Variants in HLCS observed in about 807,000 individuals in gnomAD.
HLCS encodes the protein holocarboxylase synthetase, also known as biotin--protein ligase.
In HLCS, 53 loss-of-function variants were observed where a neutral mutation model predicts 75.0. That is an observed-to-expected ratio of 0.71 (90% confidence interval 0.57 to 0.89). The LOEUF is 0.89. Ranked by LOEUF, HLCS falls within the 40% of genes least tolerant of loss-of-function variation. The probability of loss-of-function intolerance (pLI) is 0.00; values close to 1 mark genes in which losing one functional copy is unlikely to be tolerated. For synonymous variants in HLCS, 431 were observed against 428.6 expected (o/e 1.01, Z -0.07); for missense variants, 966 against 1,074.0 (o/e 0.90, Z 1.41).
At chr21:36,979,285 A>AAG in intron 1 of HLCS, among the ~76,000 whole-genome samples, 1 of 125,154 alleles carries the variant, frequency 8.0e-6, no homozygotes. Context: ...AAAAAAAAAA[A>AAG]AAAGAAAGAA....
Position 36,750,471 on chromosome 21 carries a change from G to A in HLCS, c.*3775C>T, listed in dbSNP as rs1006676970. 7.2e-5 allele frequency among the ~76,000 whole-genome samples: 11 copies of A among 152,106 alleles called. No individual in the cohort carries two copies. Among genetic ancestry groups the A allele is most frequent in the African/African-American group, 2.7e-4 (11 of 41,424 alleles). On this transcript the variant is annotated 3_prime_UTR_variant, in exon 11 of 11. Transcript: ENST00000674895. ...GTATCTGCAAGAGCCTGTATTTTCCGCCTCCCTTGCCCCCACTCCTTTTAT... is the reference window on the plus strand; with the variant it reads ...GTATCTGCAAGAGCCTGTATTTTCCACCTCCCTTGCCCCCACTCCTTTTAT...
At chr21:36,803,261 C>T (rs1188514698) in intron 6 of HLCS, among the ~76,000 whole-genome samples, 1 of 152,210 alleles carries the variant, frequency 6.6e-6, no homozygotes, top group Non-Finnish European at 1.5e-5. Context: ...TCAGCTGAGT[C>T]CACTCCTGCA....
chr21:36,868,284 A>G (rs561961759), intron 6 of HLCS, among the ~76,000 whole-genome samples: 5 of 151,938 alleles, frequency 3.3e-5, no homozygotes, highest in African/African-American at 4.8e-5. Context: ...GGAAAGAAAG[A>G]AAGAAAGAAA....
chr21:36,989,040 T>G (rs1045561874), intron 1 of HLCS, among the ~76,000 whole-genome samples: 2 of 134,024 alleles, frequency 1.5e-5, no homozygotes, highest in African/African-American at 5.8e-5. Flanking sequence ...ATTTATTTAT[T>G]TATTTATTTT....
chr21:36,874,404 A>AAAAAT (rs201422824), intron 6 of HLCS, among the ~76,000 whole-genome samples: 267 of 121,906 alleles, frequency 2.2e-3, no homozygotes, highest in South Asian at 3.4e-3. Context: ...TCCGTCTCAA[A>AAAAAT]AAAATAAAAT....
chr21:36,947,686 G>A, intron 2 of HLCS: 2 of 985,416 alleles, frequency 2.0e-6, no homozygotes, highest in Non-Finnish European at 2.4e-6. Context: ...ATGTATGGCA[G>A]CAGGCAAGGC....
At chr21:36,937,432 A>G (rs781500504) in intron 3 of HLCS, 40 bp from the exon 4 acceptor site, 1 of 1,509,868 alleles carries the variant, frequency 6.6e-7, no homozygotes, top group Non-Finnish European at 9.2e-7. Context: ...AAATTAATCA[A>G]CACTTCTTGT....
chr21:36,878,752 C>T (rs2064084207), intron 6 of HLCS, among the ~76,000 whole-genome samples: 1 of 152,134 alleles, frequency 6.6e-6, no homozygotes, highest in Non-Finnish European at 1.5e-5. Context: ...GCCTGATTTT[C>T]TTTTGTAATA....
intron 10 of HLCS, 83 bp downstream of exon 10, chr21:36,756,450 CAAAAAAAAA>C (rs56071863): frequency 2.3e-4 from 83 of 362,940 alleles, no homozygotes; most frequent in Middle Eastern, 7.1e-4. Flanking sequence ...GACTCCGTCT[CAAAAAAAAA>C]AAAAAAAAAA....
At chr21:36,936,410 G>T in intron 4 of HLCS, 39 bp downstream of exon 4, 1 of 1,542,856 alleles carries the variant, frequency 6.5e-7, no homozygotes. Context: ...AATACCCACA[G>T]ATACCCAAAG....
At chr21:36,971,233 T>C (rs573067592), upstream of HLCS, among the ~76,000 whole-genome samples, 2 of 152,214 alleles carry the variant, frequency 1.3e-5, no homozygotes, top group African/African-American at 4.8e-5. Context: ...AAAATAATTA[T>C]CTTTCCTAGC....
intron 6 of HLCS, among the ~76,000 whole-genome samples, chr21:36,853,842 C>A (rs965467276): frequency 1.3e-5 from 2 of 151,950 alleles, no homozygotes; most frequent in African/African-American, 2.4e-5. Flanking sequence ...GTAAACATTT[C>A]AAAAAAACTG....
chr21:36,946,635 A>G (rs1168146090), intron 2 of HLCS, among the ~76,000 whole-genome samples: 1 of 152,210 alleles, frequency 6.6e-6, no homozygotes, highest in African/African-American at 2.4e-5. Flanking sequence ...ATCATGAAAA[A>G]AAAAAACTTG....
intron 6 of HLCS, among the ~76,000 whole-genome samples, chr21:36,879,225 G>A (rs1242198500): frequency 1.3e-5 from 2 of 152,110 alleles, no homozygotes; most frequent in Non-Finnish European, 2.9e-5. Context: ...TGTCTGCTTT[G>A]TTTTATAATT....
intron 5 of HLCS, among the ~76,000 whole-genome samples, chr21:36,929,983 A>G (rs1319261547): frequency 3.3e-5 from 5 of 152,238 alleles, no homozygotes; most frequent in African/African-American, 1.2e-4. Flanking sequence ...TATACTCTTG[A>G]CACAGGGACC....
Position 36,966,421 on chromosome 21 carries a change from GCCCGCCC to G in HLCS, c.195+16_195+22del. ...ACTTCCGGCTCGCGGGGCCCGGGTCGCCCGCCCGCCCGACCCGCCCACCTGGCTGTCG... is the reference window on the plus strand; with the variant it reads ...ACTTCCGGCTCGCGGGGCCCGGGTCGGCCCGACCCGCCCACCTGGCTGTCG... On this transcript the variant is annotated intron_variant, in intron 1 of 10. Transcript: ENST00000674895. The G allele has an allele frequency of 6.1e-4, 289 of 473,504 alleles. No individual in the cohort carries two copies. Among genetic ancestry groups the G allele is most frequent in the Middle Eastern group, 1.0e-3 (1 of 962 alleles). 29.3% of individuals were successfully genotyped at this position (473,504 alleles called of 1,614,324 possible). A position where few individuals can be genotyped will look rare whatever the true frequency, so the allele number is the denominator to read the frequency against.
chr21:36,757,976 G>A (rs1008992760), intron 9 of HLCS, among the ~76,000 whole-genome samples: 3 of 152,180 alleles, frequency 2.0e-5, no homozygotes, highest in Admixed American at 6.5e-5. Context: ...TCTAAGGACC[G>A]GTGAGCACCC....
intron 6 of HLCS, among the ~76,000 whole-genome samples, chr21:36,769,483 C>T (rs890618832): frequency 6.6e-6 from 1 of 151,962 alleles, no homozygotes; most frequent in Non-Finnish European, 1.5e-5. Flanking sequence ...GATGTCCTTA[C>T]AAAAAGAAAA....
chr21:36,750,436 A>G lies in HLCS; in HGVS notation c.*3810T>C, dbSNP rs1486160165. ...GAGCAGTGGGCTGGGTGTGGAGGGC[A>G]GCGCGGAGGGTATCTGCAAGAGCCT... On this transcript the variant is annotated 3_prime_UTR_variant, in exon 11 of 11. Transcript: ENST00000674895. Among the ~76,000 whole-genome samples the G allele has an allele frequency of 6.6e-6, 1 of 152,170 alleles. No homozygotes were observed. Among genetic ancestry groups the G allele is most frequent in the Non-Finnish European group, 1.5e-5 (1 of 68,026 alleles).
Sources: gnomAD v4.1 joint callset for allele counts (sites outside exome capture counted in the v4.1 genomes callset) on GRCh38, gnomAD v4.1.1 for gene constraint, MANE v1.5 for transcripts, NCBI Gene and HGNC (gene_info 2026-07-23, HGNC 2026-07-21) for gene names.